The following GALNT13 variants were observed in gnomAD, a reference collection of about 807,000 sequenced individuals.
The protein encoded by GALNT13 is UDP-GalNAc:polypeptide N-acetylgalactosaminyltransferase 13.
Under a neutral mutation model 64.2 loss-of-function variants are expected in GALNT13, and 28 were observed. That is an observed-to-expected ratio of 0.44 (90% confidence interval 0.32 to 0.60). GALNT13 has a LOEUF of 0.60. GALNT13 is among the 20% of genes least tolerant of loss of function. The pLI is 0.05. For missense variants in GALNT13, 577 were observed against 669.8 expected (o/e 0.86, Z 1.53); for synonymous variants, 214 against 224.6 (o/e 0.95, Z 0.42).
chr2:153,874,343 T>A (rs566625036), intron 1 of GALNT13, among the ~76,000 whole-genome samples: 2 of 152,086 alleles, frequency 1.3e-5, no homozygotes, highest in South Asian at 4.1e-4. Flanking sequence ...TGCTTCTGCT[T>A]GTTTAAATAA....
At chr2:153,333,234 C>G in the GALNT13 span, among the ~76,000 whole-genome samples, 9 of 152,210 alleles carry the variant, frequency 5.9e-5, no homozygotes, top group African/African-American at 1.9e-4. Flanking sequence ...TTTTCCCTCA[C>G]AGAATGTTCA....
the GALNT13 span, among the ~76,000 whole-genome samples, chr2:153,830,376 TG>T: frequency 6.6e-6 from 1 of 152,084 alleles, no homozygotes; most frequent in East Asian, 1.9e-4. Context: ...TTCCTAGAAA[TG>T]GGGAAATTCT....
chr2:154,029,425 A>G (rs1488691991), intron 3 of GALNT13, among the ~76,000 whole-genome samples: 1 of 152,108 alleles, frequency 6.6e-6, no homozygotes, highest in Non-Finnish European at 1.5e-5. Flanking sequence ...GAGAAAAGAA[A>G]TGGCTATCCA....
the GALNT13 span, among the ~76,000 whole-genome samples, chr2:153,767,884 C>A: frequency 6.6e-6 from 1 of 151,108 alleles, no homozygotes; most frequent in South Asian, 2.1e-4. Context: ...CAAATATTTT[C>A]TCTGATTATT....
At chr2:153,534,626 G>A in the GALNT13 span, among the ~76,000 whole-genome samples, 3 of 151,060 alleles carry the variant, frequency 2.0e-5, no homozygotes, top group African/African-American at 4.9e-5. Context: ...AGGGTGGGCC[G>A]TTTTATAGGA....
chr2:153,793,625 A>G, the GALNT13 span, among the ~76,000 whole-genome samples: 1 of 149,442 alleles, frequency 6.7e-6, no homozygotes, highest in Non-Finnish European at 1.5e-5. Flanking sequence ...ACTCTTCTAA[A>G]GTTAGACAAC....
At chr2:154,414,243 C>CTA (rs1699911341) in intron 11 of GALNT13, among the ~76,000 whole-genome samples, 1 of 151,878 alleles carries the variant, frequency 6.6e-6, no homozygotes, top group Non-Finnish European at 1.5e-5. Context: ...AGACTAATAG[C>CTA]TAAAATAAAA....
the GALNT13 span, among the ~76,000 whole-genome samples, chr2:153,292,660 G>A: frequency 6.6e-6 from 1 of 152,172 alleles, no homozygotes; most frequent in Non-Finnish European, 1.5e-5. Flanking sequence ...GAGCAAACAT[G>A]AAAGCAAAGA....
the GALNT13 span, among the ~76,000 whole-genome samples, chr2:153,282,860 C>T: frequency 4.0e-5 from 6 of 151,888 alleles, no homozygotes; most frequent in Admixed American, 2.6e-4. Context: ...TTTTAATTCC[C>T]TTTTATTCCC....
At chr2:153,093,473 A>C in the GALNT13 span, among the ~76,000 whole-genome samples, 1 of 151,960 alleles carries the variant, frequency 6.6e-6, no homozygotes, top group African/African-American at 2.4e-5. Context: ...TCCTGAGCTC[A>C]GGCAATCCAC....
intron 4 of GALNT13, among the ~76,000 whole-genome samples, chr2:154,206,787 AAAC>A (rs958560738): frequency 3.3e-5 from 5 of 151,370 alleles, no homozygotes; most frequent in African/African-American, 7.3e-5. Context: ...CTGTCTCAAA[AAAC>A]AACAACAACA....
the GALNT13 span, among the ~76,000 whole-genome samples, chr2:153,624,205 C>G: frequency 6.6e-6 from 1 of 152,040 alleles, no homozygotes; most frequent in Non-Finnish European, 1.5e-5. Context: ...TTCCTTATGT[C>G]TTACTTGAAG....
the GALNT13 span, among the ~76,000 whole-genome samples, chr2:153,554,831 G>T: frequency 2.6e-5 from 4 of 152,128 alleles, no homozygotes; most frequent in Admixed American, 2.0e-4. Flanking sequence ...ACTCACATAC[G>T]CCCTTTGCTT....
At chr2:153,716,689 A>C in the GALNT13 span, among the ~76,000 whole-genome samples, 11 of 152,180 alleles carry the variant, frequency 7.2e-5, no homozygotes, top group African/African-American at 2.4e-4. Flanking sequence ...TCAATGGTTC[A>C]CTAATAATTT....
chr2:153,653,417 G>T, the GALNT13 span, among the ~76,000 whole-genome samples: 1 of 152,312 alleles, frequency 6.6e-6, no homozygotes, highest in Non-Finnish European at 1.5e-5. Flanking sequence ...ATGACCTTGA[G>T]TGAGAAATTA....
chr2:154,358,777 G>A (rs1436054446), intron 9 of GALNT13, among the ~76,000 whole-genome samples: 1 of 151,980 alleles, frequency 6.6e-6, no homozygotes, highest in Non-Finnish European at 1.5e-5. Context: ...TAACTACTTA[G>A]ATACTTGCCA....
intron 4 of GALNT13, among the ~76,000 whole-genome samples, chr2:154,215,642 T>C (rs763512898): frequency 6.6e-5 from 10 of 152,184 alleles, no homozygotes; most frequent in Non-Finnish European, 1.3e-4. Flanking sequence ...TAGCTCTTGG[T>C]ACATTCCTTT....
rs759378533 is a variant in GALNT13 at position 153,944,600 on chromosome 2, G to A, written c.103G>A (p.Asp35Asn). Reference sequence around the variant, plus strand: ...GTACTTCAGTGAATGTAACAAATGTGATGACAAGAAGGAGAGATCTCTGCT... The same window carrying A: ...GTACTTCAGTGAATGTAACAAATGTAATGACAAGAAGGAGAGATCTCTGCT... Reference protein sequence around the residue: ...LLYFSECNKCDDKKERSLLPA... With the variant: ...LLYFSECNKCNDKKERSLLPA... The change falls in exon 3 of 13, where the codon GAT becomes AAT. Residue 35 changes from aspartate (D) to asparagine (N), a missense_variant. By Grantham distance (23) the Asp-to-Asn change is conservative. This residue lies in a region of GALNT13 where 341 missense variants were observed against 379.3 expected (regional missense o/e 0.90). Coordinates refer to ENST00000392825, the MANE Select transcript of GALNT13 (RefSeq NM_052917.4). The A allele has an allele frequency of 2.5e-6, 4 of 1,613,378 alleles. No homozygotes were observed. The highest frequency in any genetic ancestry group is 3.4e-6 in the Non-Finnish European group (4 of 1,179,622).
the GALNT13 span, among the ~76,000 whole-genome samples, chr2:153,246,052 A>T: frequency 6.6e-6 from 1 of 151,968 alleles, no homozygotes; most frequent in Admixed American, 6.6e-5. Flanking sequence ...GAATATCAGA[A>T]ATTGATGATC....
Sources: allele counts gnomAD v4.1 joint callset (sites outside exome capture counted in the v4.1 genomes callset), GRCh38; gene constraint gnomAD v4.1.1; regional missense constraint gnomAD v4.1.1; transcripts MANE v1.5; gene names NCBI Gene and HGNC (gene_info 2026-07-23, HGNC 2026-07-21).